RBM34: variants seen among roughly 807,000 people sequenced by gnomAD.
RBM34 encodes RNA binding motif protein 34.
Under a neutral mutation model 44.6 loss-of-function variants are expected in RBM34, and 39 were observed. The ratio of observed to expected loss-of-function variants is 0.87; its 90% CI spans 0.68 to 1.14. The LOEUF (loss-of-function observed/expected upper bound fraction) is 1.14, where lower values mean the gene tolerates loss of function less well. RBM34 is among the 50% of genes most tolerant of loss of function. The probability of loss-of-function intolerance (pLI) is 0.00; values close to 1 mark genes in which losing one functional copy is unlikely to be tolerated. For missense variants in RBM34, 572 were observed against 517.9 expected, an observed-to-expected ratio of 1.10 and a Z score of -1.01; for synonymous variants, 194 against 184.0, an observed-to-expected ratio of 1.05 and a Z score of -0.44.
intron 4 of RBM34, among the ~76,000 whole-genome samples, chr1:235,153,642 T>A (rs1662265483): frequency 6.6e-6 from 1 of 152,228 alleles, no homozygotes; most frequent in African/African-American, 2.4e-5. Context: ...GCCAAGCTGG[T>A]CTCGAACTCC....
intron 10 of RBM34, 25 bp downstream of exon 10, chr1:235,135,627 G>C (rs374748102): frequency 7.6e-6 from 12 of 1,571,630 alleles, no homozygotes; most frequent in African/African-American, 5.4e-5. Flanking sequence ...TCGAAGGACA[G>C]TGACAATGCA....
intron 6 of RBM34, among the ~76,000 whole-genome samples, chr1:235,142,001 C>G (rs550203904): frequency 6.6e-6 from 1 of 152,304 alleles, no homozygotes; most frequent in Non-Finnish European, 1.5e-5. Flanking sequence ...GAGGAGAAGG[C>G]TAAGCTGCTA....
rs373851653 is a variant in RBM34 at position 235,155,608 on chromosome 1, G to T, written c.366-496C>A. 2.7e-5 allele frequency among the ~76,000 whole-genome samples: 4 copies of T among 149,164 alleles called. No homozygotes were observed. In the East Asian group the frequency reaches 6.0e-4, roughly 22 times the overall value. ...CAACTTCTGCCTCTCGGGTTCAAGC[G>T]ATTTTCCTGCCACAGCCTCCCAAGT... On this transcript the variant is annotated intron_variant, in intron 3 of 10. Coordinates refer to ENST00000408888, the MANE Select transcript of RBM34 (RefSeq NM_015014.4).
At chr1:235,155,141 G>GT (rs1558148645) in intron 3 of RBM34, 29 bp from the exon 4 acceptor site, 2 of 1,577,452 alleles carry the variant, frequency 1.3e-6, no homozygotes, top group East Asian at 2.2e-5. Context: ...AAAATAAGCA[G>GT]TAAGAGTCAT....
At chr1:235,158,105 C>T (rs1049592720) in intron 3 of RBM34, among the ~76,000 whole-genome samples, 9 of 151,524 alleles carry the variant, frequency 5.9e-5, no homozygotes, top group Non-Finnish European at 1.0e-4. Context: ...ATCGTGAGCA[C>T]GTCTATATTA....
chr1:235,156,269 G>A (rs1662438962), intron 3 of RBM34, among the ~76,000 whole-genome samples: 1 of 152,072 alleles, frequency 6.6e-6, no homozygotes, highest in Non-Finnish European at 1.5e-5. Context: ...CTCCCAAAGT[G>A]CTAGGGTTAC....
At chr1:235,149,192 T>C (rs995282013) in intron 5 of RBM34, among the ~76,000 whole-genome samples, 1 of 151,554 alleles carries the variant, frequency 6.6e-6, no homozygotes, top group South Asian at 2.1e-4. Flanking sequence ...GTTGAGACCA[T>C]CCTGGCTAAC....
chr1:235,155,845 A>ACG (rs1295352588), intron 3 of RBM34, among the ~76,000 whole-genome samples: 2 of 28,006 alleles, frequency 7.1e-5, no homozygotes, highest in Admixed American at 5.1e-4. Flanking sequence ...ATATATATAT[A>ACG]TATATATATA....
In RBM34 at chr1:235,131,411, G is replaced by A. The variant is rs1413865615; in HGVS notation, c.*302C>T. The A allele has an allele frequency of 9.6e-6, 2 of 207,718 alleles. No homozygotes were observed. Among genetic ancestry groups the A allele is most frequent in the Non-Finnish European group, 1.9e-5 (2 of 104,202 alleles). The allele number at this position is 207,718 out of a possible 1,614,324, so 12.9% of individuals were successfully genotyped here. A position where few individuals can be genotyped will look rare whatever the true frequency, so the allele number is the denominator to read the frequency against. ...TAATCCCAGCTACTTGGGAGGCTGA[G>A]GCAGGAGAAGCGCTTGAACCCAGAA... On this transcript the variant is annotated 3_prime_UTR_variant, in exon 11 of 11. Transcript: ENST00000408888.
At chr1:235,147,054 G>T (rs1359888268) in intron 6 of RBM34, among the ~76,000 whole-genome samples, 1 of 152,128 alleles carries the variant, frequency 6.6e-6, no homozygotes, top group Non-Finnish European at 1.5e-5. Flanking sequence ...AACATAATGA[G>T]ACTCTGTGTC....
chr1:235,150,177 C>T (rs1200782284), intron 5 of RBM34, among the ~76,000 whole-genome samples: 1 of 152,222 alleles, frequency 6.6e-6, no homozygotes, highest in African/African-American at 2.4e-5. Flanking sequence ...CAGGTTCAAG[C>T]GATTCTCCCA....
Position 235,155,081 on chromosome 1 carries a change from C to T in RBM34, c.397G>A (p.Glu133Lys), listed in dbSNP as rs372206805. 12 of 1,613,520 alleles carry T rather than the reference C, an allele frequency of 7.4e-6. No homozygotes were observed. In the Admixed American group the frequency reaches 1.8e-4, roughly 25 times the overall value. The part of the protein sequence containing the change: ...ESALASADLE[E>K]EIHQKQGQKR... ...TGCCCTTGTTTCTGGTGAATTTCTT[C>T]TTCTAAATCAGCACTCGCTAGAGCG... Residue 133 changes from glutamate (E) to lysine (K), a missense_variant, in exon 4 of 11, where the codon GAA becomes AAA. Physicochemically the swap from Glu to Lys is moderately conservative, Grantham distance 56 (BLOSUM62 1). Coordinates refer to ENST00000408888, the MANE Select transcript of RBM34 (RefSeq NM_015014.4).
intron 3 of RBM34, 28 bp from the exon 4 acceptor site, chr1:235,155,140 AG>A (rs1188312556): frequency 6.3e-7 from 1 of 1,579,274 alleles, no homozygotes; most frequent in African/African-American, 1.4e-5. Flanking sequence ...TAAAATAAGC[AG>A]TAAGAGTCAT....
intron 3 of RBM34, among the ~76,000 whole-genome samples, chr1:235,158,676 T>A (rs1466881916): frequency 6.6e-6 from 1 of 152,014 alleles, no homozygotes; most frequent in Non-Finnish European, 1.5e-5. Flanking sequence ...GCTCCAGAAC[T>A]GGTACAAAGG....
Position 235,151,858 on chromosome 1 carries a change from C to T in RBM34, c.657+848G>A, listed in dbSNP as rs150915533. Among the ~76,000 whole-genome samples the T allele has an allele frequency of 1.0e-3, 154 of 152,058 alleles. 1 individual carries two copies. Among genetic ancestry groups the T allele is most frequent in the Admixed American group, 8.3e-3 (127 of 15,260 alleles). On this transcript the variant is annotated intron_variant, in intron 5 of 10. Transcript: ENST00000408888. ...GACCAGTCTGGATAACATGGTGAAACCCTGTCCGGACTAAAAATACAAAAA... is the reference window on the plus strand; with the variant it reads ...GACCAGTCTGGATAACATGGTGAAATCCTGTCCGGACTAAAAATACAAAAA...
At chr1:235,155,698 T>C (rs890618613) in intron 3 of RBM34, among the ~76,000 whole-genome samples, 1 of 148,942 alleles carries the variant, frequency 6.7e-6, no homozygotes, top group African/African-American at 2.5e-5. Context: ...AAAGACGGGG[T>C]TTCACCATGT....
chr1:235,160,546 C>T lies in RBM34; in HGVS notation c.330G>A (p.Lys110=), dbSNP rs1181834315. 6.2e-7 allele frequency: 1 copy of T among 1,613,848 alleles called. No individual in the cohort carries two copies. Among genetic ancestry groups the T allele is most frequent in the African/African-American group, 1.3e-5 (1 of 75,026 alleles). Reference sequence around the variant, plus strand: ...ACTTTTTTTCTGCGTTAGTGTGTTTCTTCTTCGCTTTCACTTTTTTGGCAG... The same window carrying T: ...ACTTTTTTTCTGCGTTAGTGTGTTTTTTCTTCGCTTTCACTTTTTTGGCAG... ...QEPAKKVKAK[K]KHTNAEKKLA... is the part of the protein sequence containing the mutation. Residue 110 remains lysine, a synonymous_variant, in exon 3 of 11, where the codon AAG becomes AAA. Coordinates refer to ENST00000408888, the MANE Select transcript of RBM34 (RefSeq NM_015014.4).
At chr1:235,141,055 G>C (rs1661663604) in intron 6 of RBM34, among the ~76,000 whole-genome samples, 1 of 150,930 alleles carries the variant, frequency 6.6e-6, no homozygotes, top group Non-Finnish European at 1.5e-5. Flanking sequence ...TGGGGCCTTG[G>C]ACAACCTTTA....
intron 6 of RBM34, among the ~76,000 whole-genome samples, chr1:235,146,882 A>G (rs1018405005): frequency 5.9e-5 from 9 of 152,182 alleles, no homozygotes; most frequent in African/African-American, 2.2e-4. Context: ...CGGCCTCCCA[A>G]AGTGCTGGGA....
Sources: allele counts gnomAD v4.1 joint callset (sites outside exome capture counted in the v4.1 genomes callset), GRCh38; gene constraint gnomAD v4.1.1; transcripts MANE v1.5; gene names NCBI Gene and HGNC (gene_info 2026-07-23, HGNC 2026-07-21).